The following ADARB2 variants were observed in gnomAD, a reference collection of about 807,000 sequenced individuals.
ADARB2 encodes adenosine deaminase RNA specific B2 (inactive), also known as inactive double-stranded RNA-specific editase B2.
ADARB2 carries 25 observed loss-of-function variants against 62.2 expected under a neutral mutation model. That is an observed-to-expected ratio of 0.40 (90% CI 0.29 to 0.56). The LOEUF is 0.56. ADARB2 is among the 20% of genes least tolerant of loss of function. ADARB2 has a pLI of 0.43. For missense variants in ADARB2, 1,071 were observed against 1,077.4 expected (o/e 0.99, Z 0.08); for synonymous variants, 572 against 500.8 (o/e 1.14, Z -1.90).
intron 8 of ADARB2, among the ~76,000 whole-genome samples, chr10:1,188,429 T>C (rs921513370): frequency 4.1e-4 from 63 of 152,340 alleles, no homozygotes; most frequent in African/African-American, 1.4e-3. Context: ...CAGTTCCTTG[T>C]TCCTTTCACG....
intron 3 of ADARB2, among the ~76,000 whole-genome samples, chr10:1,300,361 TCACAC>T (rs141398147): frequency 1.3e-5 from 2 of 151,326 alleles, no homozygotes; most frequent in African/African-American, 2.4e-5. Flanking sequence ...TCCCAGCCTC[TCACAC>T]CACACCACAC....
At chr10:1,497,388 T>C (rs574586248) in intron 1 of ADARB2, among the ~76,000 whole-genome samples, 1 of 152,350 alleles carries the variant, frequency 6.6e-6, no homozygotes, top group East Asian at 1.9e-4. Flanking sequence ...TCTCCATTTT[T>C]AGAGACTCAC....
intron 1 of ADARB2, among the ~76,000 whole-genome samples, chr10:1,537,858 T>C (rs1473748838): frequency 6.6e-6 from 1 of 152,168 alleles, no homozygotes; most frequent in Non-Finnish European, 1.5e-5. Flanking sequence ...AAATACCTAA[T>C]GCATGCCGGT....
At chr10:1,698,267 C>G (rs1834773410) in intron 1 of ADARB2, among the ~76,000 whole-genome samples, 1 of 152,158 alleles carries the variant, frequency 6.6e-6, no homozygotes, top group Non-Finnish European at 1.5e-5. Flanking sequence ...ACTGAAGATG[C>G]CACCCATTAG....
At chr10:1,374,585 T>C (rs540855557) in intron 2 of ADARB2, among the ~76,000 whole-genome samples, 1 of 152,230 alleles carries the variant, frequency 6.6e-6, no homozygotes, top group African/African-American at 2.4e-5. Flanking sequence ...CATGTGCGGG[T>C]GGGGCCAGGC....
At chr10:1,227,035 TGTG>T (rs1830753903) in intron 6 of ADARB2, among the ~76,000 whole-genome samples, 1 of 152,266 alleles carries the variant, frequency 6.6e-6, no homozygotes. Flanking sequence ...CTCCTTAAGC[TGTG>T]GTGGGCTCCA....
intron 1 of ADARB2, among the ~76,000 whole-genome samples, chr10:1,459,573 G>A (rs553529225): frequency 3.3e-5 from 5 of 152,344 alleles, no homozygotes; most frequent in African/African-American, 7.2e-5. Context: ...AGACCAGCCC[G>A]GCCAACATGG....
At chr10:1,312,618 C>T (rs191966864) in intron 3 of ADARB2, among the ~76,000 whole-genome samples, 1 of 152,344 alleles carries the variant, frequency 6.6e-6, no homozygotes. Flanking sequence ...CTTTGGCTGT[C>T]ACAGTAACCC....
At chr10:1,574,244 G>A (rs1317374400) in intron 1 of ADARB2, among the ~76,000 whole-genome samples, 4 of 152,200 alleles carry the variant, frequency 2.6e-5, no homozygotes, top group Non-Finnish European at 5.9e-5. Context: ...GAAACAGCCG[G>A]TTTGAGGGCA....
chr10:1,506,311 A>G (rs890643949), intron 1 of ADARB2, among the ~76,000 whole-genome samples: 12 of 152,204 alleles, frequency 7.9e-5, no homozygotes, highest in African/African-American at 2.6e-4. Context: ...TTCTGCCCAT[A>G]ATATTTATTA....
chr10:1,548,179 A>G (rs1408902020), intron 1 of ADARB2, among the ~76,000 whole-genome samples: 1 of 152,102 alleles, frequency 6.6e-6, no homozygotes, highest in East Asian at 1.9e-4. Context: ...GGCTCAGGTG[A>G]GTTTTCCAGC....
chr10:1,504,959 T>C (rs1018046268), intron 1 of ADARB2, among the ~76,000 whole-genome samples: 1 of 151,252 alleles, frequency 6.6e-6, no homozygotes, highest in Non-Finnish European at 1.5e-5. Flanking sequence ...GAGACACACA[T>C]GACACACACA....
At position 1,340,171 on chromosome 10, in the gene ADARB2, A is replaced by G. The variant is rs34111195; in HGVS notation, c.1077+22857T>C. 9.0e-3 allele frequency among the ~76,000 whole-genome samples: 921 copies of G among 102,900 alleles called. 12 individuals carry two copies. Among genetic ancestry groups the G allele is most frequent in the African/African-American group, 0.024 (556 of 23,248 alleles). The allele number at this position is 102,900 out of a possible 152,430, so 67.5% of individuals were successfully genotyped here. A position where few individuals can be genotyped will look rare whatever the true frequency, so the allele number is the denominator to read the frequency against. On this transcript the variant is annotated intron_variant, in intron 3 of 9. Coordinates refer to ENST00000381312, the MANE Select transcript of ADARB2 (RefSeq NM_018702.4). ...ACCAGCATCCACCAGAGAACCACAC[A>G]CCCCACAGCGGCAATAACCGGCATC...
At chr10:1,731,665 G>A (rs1313266785) in intron 1 of ADARB2, among the ~76,000 whole-genome samples, 1 of 152,138 alleles carries the variant, frequency 6.6e-6, no homozygotes, top group Non-Finnish European at 1.5e-5. Context: ...ACTTTTAATT[G>A]TACAGATAGA....
At chr10:1,225,530 G>GT in intron 6 of ADARB2, among the ~76,000 whole-genome samples, 1 of 152,342 alleles carries the variant, frequency 6.6e-6, no homozygotes, top group Middle Eastern at 3.4e-3. Context: ...AATTTGGCAT[G>GT]TTTTTGCAGT....
chr10:1,267,659 A>G (rs1189826128), intron 4 of ADARB2, among the ~76,000 whole-genome samples: 1 of 152,222 alleles, frequency 6.6e-6, no homozygotes, highest in African/African-American at 2.4e-5. Context: ...AAACACGCAC[A>G]ATATTTCAAA....
intron 2 of ADARB2, among the ~76,000 whole-genome samples, chr10:1,366,151 T>C (rs1486184511): frequency 1.3e-5 from 2 of 152,182 alleles, no homozygotes; most frequent in African/African-American, 4.8e-5. Context: ...AGGAGGGAAG[T>C]GCAATGAGGG....
At chr10:1,186,397 C>T (rs1465422622) in intron 8 of ADARB2, 3 of 473,320 alleles carry the variant, frequency 6.3e-6, no homozygotes, top group Admixed American at 4.4e-5. Flanking sequence ...TCCAGGCTCC[C>T]ACTCACAGCA....
intron 3 of ADARB2, among the ~76,000 whole-genome samples, chr10:1,325,519 A>G (rs1831836347): frequency 6.6e-6 from 1 of 152,218 alleles, no homozygotes; most frequent in East Asian, 1.9e-4. Flanking sequence ...AGTTTGGGTG[A>G]AATGTAAAGT....
Sources: gnomAD v4.1 joint callset for allele counts (sites outside exome capture counted in the v4.1 genomes callset) on GRCh38, gnomAD v4.1.1 for gene constraint, MANE v1.5 for transcripts, NCBI Gene and HGNC (gene_info 2026-07-23, HGNC 2026-07-21) for gene names.